The following SPEF2 variants were observed in gnomAD, a reference collection of about 807,000 sequenced individuals.
SPEF2 encodes the protein sperm flagella and cilia-associated protein 2.
Under a neutral mutation model 224.6 loss-of-function variants are expected in SPEF2, and 187 were observed. The observed-to-expected ratio is 0.83, with a 90% confidence interval of 0.74 to 0.94. SPEF2 has a LOEUF of 0.94. Among genes scored for constraint, SPEF2 ranks in the 40% least tolerant of loss-of-function variants. The pLI is 0.00. For synonymous variants in SPEF2, 715 were observed against 707.3 expected (o/e 1.01, Z -0.17); for missense variants, 2,170 against 2,135.6 (o/e 1.02, Z -0.32).
At chr5:35,639,776 GTCTCTTAGCAAGCA>G (rs1355571222) in intron 2 of SPEF2, among the ~76,000 whole-genome samples, 8 of 151,818 alleles carry the variant, frequency 5.3e-5, no homozygotes, top group Non-Finnish European at 1.0e-4. Context: ...GAGATAGGTA[GTCTCTTAGCAAGCA>G]AGGACTGCTG....
intron 9 of SPEF2, among the ~76,000 whole-genome samples, chr5:35,668,759 T>A (rs991805232): frequency 4.6e-5 from 7 of 152,138 alleles, no homozygotes; most frequent in Non-Finnish European, 1.0e-4. Flanking sequence ...AATTTTACAG[T>A]AAAGGTCAGA....
At chr5:35,679,886 C>T (rs1438550599) in intron 10 of SPEF2, among the ~76,000 whole-genome samples, 5 of 152,150 alleles carry the variant, frequency 3.3e-5, no homozygotes, top group Non-Finnish European at 7.4e-5. Context: ...ACATGATTCA[C>T]TTGGAAAAAC....
In SPEF2 at chr5:35,702,434, C is replaced by T. The variant is rs150772407; in HGVS notation, c.2398+1682C>T. On this transcript the variant is annotated intron_variant, in intron 16 of 36. Transcript: ENST00000356031. ...GAATGGAAGAGGAGGTGACTGCCTC[C>T]GCTGTTTAGCCATTGGTCAGCCTGA... The T allele has an allele frequency of 2.2e-3, 889 of 410,288 alleles. 7 individuals are homozygous for T. Among genetic ancestry groups the T allele is most frequent in the African/African-American group, 0.016 (798 of 49,298 alleles). The allele number at this position is 410,288 out of a possible 1,614,324, so 25.4% of individuals were successfully genotyped here. A position where few individuals can be genotyped will look rare whatever the true frequency, so the allele number is the denominator to read the frequency against.
At chr5:35,699,745 G>A (rs1738202880) in intron 15 of SPEF2, 1 of 152,318 alleles carries the variant, frequency 6.6e-6, no homozygotes, top group South Asian at 2.1e-4. Flanking sequence ...GGAAACTGAG[G>A]TGCAAAGGAG....
At chr5:35,743,585 T>G (rs1468540688) in intron 23 of SPEF2, among the ~76,000 whole-genome samples, 1 of 152,196 alleles carries the variant, frequency 6.6e-6, no homozygotes, top group African/African-American at 2.4e-5. Flanking sequence ...AACCTGCCTT[T>G]GCTTCATGCC....
intron 2 of SPEF2, among the ~76,000 whole-genome samples, chr5:35,639,100 T>A (rs760405332): frequency 6.6e-6 from 1 of 152,128 alleles, no homozygotes; most frequent in African/African-American, 2.4e-5. Context: ...GATGAAGCAG[T>A]CTCATGCCAG....
intron 27 of SPEF2, among the ~76,000 whole-genome samples, chr5:35,773,156 C>A (rs1311272431): frequency 6.6e-6 from 1 of 152,128 alleles, no homozygotes; most frequent in African/African-American, 2.4e-5. Context: ...GACAGGTGGA[C>A]TGCTTGAGCC....
intron 21 of SPEF2, among the ~76,000 whole-genome samples, chr5:35,734,401 ATTCTCTT>A (rs200045311): frequency 0.34 from 51,202 of 151,554 alleles, 8,783 homozygotes; most frequent in Middle Eastern, 0.4. Context: ...GGGAAGAATA[ATTCTCTT>A]GGGCCACTCA....
chr5:35,807,075 T>A, intron 35 of SPEF2, 56 bp from the exon 36 acceptor site: 1 of 1,571,754 alleles, frequency 6.4e-7, no homozygotes, highest in Non-Finnish European at 8.6e-7. Context: ...AACCATTTTT[T>A]TTAACATCTA....
At chr5:35,697,882 T>A in intron 15 of SPEF2, 89 bp downstream of exon 15, 2 of 870,566 alleles carry the variant, frequency 2.3e-6, no homozygotes, top group Non-Finnish European at 3.5e-6. Flanking sequence ...TTTTTTGTTG[T>A]AATATCTCAT....
At chr5:35,651,274 T>C (rs1430993875) in intron 6 of SPEF2, among the ~76,000 whole-genome samples, 1 of 152,172 alleles carries the variant, frequency 6.6e-6, no homozygotes, top group East Asian at 1.9e-4. Context: ...TGGGGTTCTA[T>C]TTTGAGAGAA....
At chr5:35,751,665 C>T (rs900599046) in intron 23 of SPEF2, among the ~76,000 whole-genome samples, 1 of 152,060 alleles carries the variant, frequency 6.6e-6, no homozygotes, top group African/African-American at 2.4e-5. Flanking sequence ...CATGTGCAGG[C>T]TCCTCAAGGT....
In SPEF2 at chr5:35,760,380, A is replaced by G. The variant is rs1751092550; in HGVS notation, c.3620+661A>G. Among the ~76,000 whole-genome samples, 3 of 151,778 alleles carry G rather than the reference A, an allele frequency of 2.0e-5. No homozygotes were observed. The South Asian group carries it at 6.2e-4, about 32-fold the overall frequency. On this transcript the variant is annotated intron_variant, in intron 25 of 36. Transcript: ENST00000356031. ...TCCGTCTAAAAAAAAAAAAAAAATT[A>G]TGAACCTCTAACACTTTTATGAAAG...
At chr5:35,666,103 A>C (rs1489329468) in intron 8 of SPEF2, among the ~76,000 whole-genome samples, 1 of 152,178 alleles carries the variant, frequency 6.6e-6, no homozygotes, top group Admixed American at 6.6e-5. Context: ...GACTTGCCCA[A>C]GGTCTCACAG....
In SPEF2 at chr5:35,641,864, G is replaced by GTC. The variant is rs1285398694; in HGVS notation, c.414+189_414+190dup. On this transcript the variant is annotated intron_variant, in intron 3 of 36. Transcript: ENST00000356031. ...TTGAATTTATTTAGCCATTTTTGATGTCTCTCTCTATCCTATCCATATTGC... is the reference window on the plus strand; with the variant it reads ...TTGAATTTATTTAGCCATTTTTGATGTCTCTCTCTCTATCCTATCCATATTGC... The GTC allele has an allele frequency of 2.7e-5, 16 of 589,436 alleles. No individual in the cohort carries two copies. The Admixed American group carries it at 4.3e-4, about 16-fold the overall frequency. 36.5% of individuals were successfully genotyped at this position (589,436 alleles called of 1,614,324 possible).
intron 20 of SPEF2, among the ~76,000 whole-genome samples, chr5:35,718,088 G>A (rs958399749): frequency 7.9e-5 from 12 of 152,206 alleles, no homozygotes; most frequent in African/African-American, 2.2e-4. Context: ...ACAAGGGGAG[G>A]GATAAGGACA....
Position 35,691,140 on chromosome 5 carries a change from C to G in SPEF2, c.1628C>G (p.Ser543Cys), listed in dbSNP as rs1754409567. ...GHILHRLAEK[S>C]LPPRAESTTP... ...ATTCTTCACAGGCTAGCTGAAAAATCTCTTCCTCCTCGAGCGGAATCAACA... is the reference window on the plus strand; with the variant it reads ...ATTCTTCACAGGCTAGCTGAAAAATGTCTTCCTCCTCGAGCGGAATCAACA... Residue 543 changes from serine (S) to cysteine (C), a missense_variant, in exon 11 of 37, where the codon TCT (serine) becomes TGT (cysteine). Physicochemically the swap from Ser to Cys is moderately radical, Grantham distance 112 (BLOSUM62 -1). Transcript: ENST00000356031. 6.2e-7 allele frequency: 1 copy of G among 1,613,946 alleles called. No homozygotes were observed. Among genetic ancestry groups the G allele is most frequent in the Non-Finnish European group, 8.5e-7 (1 of 1,179,972 alleles).
chr5:35,659,304 A>C (rs1749386402), intron 8 of SPEF2, 97 bp downstream of exon 8: 3 of 1,241,574 alleles, frequency 2.4e-6, no homozygotes, highest in Non-Finnish European at 3.3e-6. Flanking sequence ...CCAATCATCT[A>C]ATAAGATTTT....
intron 23 of SPEF2, among the ~76,000 whole-genome samples, chr5:35,746,591 T>A (rs914005899): frequency 1.7e-4 from 26 of 150,960 alleles, no homozygotes; most frequent in African/African-American, 6.1e-4. Flanking sequence ...AAAGACAAGG[T>A]CCTCAAATTA....
Sources: allele counts gnomAD v4.1 joint callset (sites outside exome capture counted in the v4.1 genomes callset), GRCh38; gene constraint gnomAD v4.1.1; transcripts MANE v1.5; gene names NCBI Gene and HGNC (gene_info 2026-07-23, HGNC 2026-07-21).